ANGPT2: variants seen among roughly 807,000 people sequenced by gnomAD.
The protein encoded by ANGPT2 is angiopoietin-2.
A neutral mutation model predicts 62.9 loss-of-function variants in ANGPT2; 28 were observed. That is an observed-to-expected ratio of 0.44 (90% CI 0.33 to 0.61). The LOEUF is 0.61. Among genes scored for constraint, ANGPT2 ranks in the 20% least tolerant of loss-of-function variants. The pLI, the probability that ANGPT2 is intolerant of heterozygous loss-of-function variation, is 0.03. For missense variants in ANGPT2, 727 were observed against 594.9 expected (o/e 1.22, Z -2.31); for synonymous variants, 284 against 207.8 (o/e 1.37, Z -3.15).
At chr8:6,557,141 C>G (rs138336984) in intron 1 of ANGPT2, among the ~76,000 whole-genome samples, 1 of 152,214 alleles carries the variant, frequency 6.6e-6, no homozygotes, top group Non-Finnish European at 1.5e-5. Flanking sequence ...CAGTTTTCTG[C>G]AGTCTTCCCA....
intron 4 of ANGPT2, 81 bp from the exon 5 acceptor site, chr8:6,520,072 G>A (rs536740263): frequency 2.0e-6 from 3 of 1,531,888 alleles, no homozygotes; most frequent in East Asian, 4.6e-5. Flanking sequence ...CAATCATTTG[G>A]TGAGTTTTAT....
chr8:6,549,689 C>A (rs1341327200), intron 1 of ANGPT2, among the ~76,000 whole-genome samples: 2 of 119,126 alleles, frequency 1.7e-5, no homozygotes, highest in Admixed American at 8.9e-5. Context: ...CCTTCCGTAT[C>A]GAGCTGGGCG....
intron 3 of ANGPT2, among the ~76,000 whole-genome samples, chr8:6,524,869 C>T (rs570799686): frequency 3.3e-5 from 5 of 152,310 alleles, no homozygotes; most frequent in African/African-American, 9.6e-5. Flanking sequence ...TTTGGTGTCA[C>T]GAGCACCTTC....
chr8:6,543,364 C>T (rs150536307), intron 1 of ANGPT2, among the ~76,000 whole-genome samples: 40 of 152,258 alleles, frequency 2.6e-4, no homozygotes, highest in African/African-American at 7.9e-4. Flanking sequence ...AACTGCTCCT[C>T]GTCTCCTGCC....
rs1045436178 is a variant in ANGPT2, at chr8:6,532,241, T to G, written c.444+91A>C. 5.3e-5 allele frequency: 78 copies of G among 1,465,422 alleles called. No homozygotes were observed. In the South Asian group the frequency reaches 6.7e-4, roughly 13 times the overall value. 90.8% of individuals were successfully genotyped at this position (1,465,422 alleles called of 1,614,324 possible). A position where few individuals can be genotyped will look rare whatever the true frequency, so the allele number is the denominator to read the frequency against. On this transcript the variant is annotated intron_variant, in intron 2 of 8. Transcript: ENST00000629816. The stretch of plus-strand genomic sequence containing the variant: ...CTCCTGTGGTGGTGCTTTCTTTAGT[T>G]TCTCATGCCTTCATTGAGGAAGCTC...
Position 6,513,678 on chromosome 8 carries a change from C to G in ANGPT2, c.1196G>C (p.Arg399Thr). 6.2e-7 allele frequency: 1 copy of G among 1,606,664 alleles called. No homozygotes were observed. Among genetic ancestry groups the G allele is most frequent in the Non-Finnish European group, 8.5e-7 (1 of 1,177,354 alleles). ...FYLSSEELNY[R>T]IHLKGLTGTA... ...TTTCAATTACCATGAACTCACTTAC[C>G]TATAATTGAGTTCTTCACTTGAGAG... The change falls in exon 7 of 9, where the codon AGG becomes ACG. Residue 399 changes from arginine (R) to threonine (T), a missense_variant and splice_region_variant. By Grantham distance (71) the Arg-to-Thr change is moderately conservative (BLOSUM62 -1). Transcript: ENST00000629816.
chr8:6,540,949 A>T (rs77238441), intron 1 of ANGPT2, among the ~76,000 whole-genome samples: 24,560 of 152,260 alleles, frequency 0.16, 2,071 homozygotes, highest in Admixed American at 0.19. Flanking sequence ...CTGGGGCAAG[A>T]ATGGGGACTG....
At chr8:6,521,093 T>C (rs1817246752) in intron 4 of ANGPT2, 85 bp downstream of exon 4, 1 of 1,065,990 alleles carries the variant, frequency 9.4e-7, no homozygotes, top group East Asian at 2.4e-5. Context: ...GCGCCTTTTC[T>C]GAAAGGTGAG....
At chr8:6,540,648 C>A (rs549898055) in intron 1 of ANGPT2, among the ~76,000 whole-genome samples, 1 of 152,260 alleles carries the variant, frequency 6.6e-6, no homozygotes, top group Non-Finnish European at 1.5e-5. Context: ...CAGCAGCTTA[C>A]AATGACAAAA....
In ANGPT2 at chr8:6,505,777, T is replaced by TA. The variant is rs1491156563; in HGVS notation, c.1328-2517_1328-2516insT. 7.5e-4 allele frequency among the ~76,000 whole-genome samples: 90 copies of TA among 119,476 alleles called. 1 individual carries two copies. Among genetic ancestry groups the TA allele is most frequent in the African/African-American group, 2.7e-3 (87 of 32,116 alleles). The allele number at this position is 119,476 out of a possible 152,430, so 78.4% of individuals were successfully genotyped here. On this transcript the variant is annotated intron_variant, in intron 8 of 8. Coordinates refer to ENST00000629816, the MANE Select transcript of ANGPT2 (RefSeq NM_001118887.2). ...ACGTATATATAGAATATATATATTCTTTATATATGTATATATAAAAACATG... is the reference window on the plus strand; with the variant it reads ...ACGTATATATAGAATATATATATTCTATTATATATGTATATATAAAAACATG...
chr8:6,509,872 C>A (rs934683832), intron 7 of ANGPT2, among the ~76,000 whole-genome samples: 2 of 152,218 alleles, frequency 1.3e-5, no homozygotes, highest in African/African-American at 4.8e-5. Context: ...CTGTTGTTCA[C>A]CCTGGGGATC....
At chr8:6,538,576 C>T (rs528392439) in intron 1 of ANGPT2, among the ~76,000 whole-genome samples, 39 of 152,320 alleles carry the variant, frequency 2.6e-4, no homozygotes, top group African/African-American at 8.7e-4. Flanking sequence ...AGCTGCCCAG[C>T]GGCCTCATAC....
rs141137144 is a variant in ANGPT2 at position 6,528,817 on chromosome 8, C to T, written c.445-1141G>A. Among the ~76,000 whole-genome samples, 324 of 152,308 alleles carry T rather than the reference C, an allele frequency of 2.1e-3. 2 individuals are homozygous for T. The highest frequency in any genetic ancestry group is 7.2e-3 in the African/African-American group (298 of 41,576). On this transcript the variant is annotated intron_variant, in intron 2 of 8. Transcript: ENST00000629816. ...GTGTCTTTATGTCATTTGCAGGAGC[C>T]TTGGCTGGTCCACAGCGTGGGTTTC...
At chr8:6,517,785 G>A (rs1055829407) in intron 5 of ANGPT2, among the ~76,000 whole-genome samples, 6 of 152,190 alleles carry the variant, frequency 3.9e-5, no homozygotes, top group African/African-American at 1.4e-4. Context: ...GCCACAAATG[G>A]CAGAGCTAGA....
chr8:6,514,825 C>G, intron 5 of ANGPT2, 47 bp from the exon 6 acceptor site: 15 of 1,522,086 alleles, frequency 9.9e-6, no homozygotes, highest in Non-Finnish European at 1.4e-5. Context: ...CCCCCACTCC[C>G]CCCTTACGTA....
chr8:6,520,067 A>G (rs1055832214), intron 4 of ANGPT2, 76 bp from the exon 5 acceptor site: 58 of 1,544,164 alleles, frequency 3.8e-5, no homozygotes, highest in Non-Finnish European at 4.9e-5. Flanking sequence ...AGAGCCAATC[A>G]TTTGGTGAGT....
intron 1 of ANGPT2, among the ~76,000 whole-genome samples, chr8:6,541,373 C>T (rs550075637): frequency 6.6e-6 from 1 of 152,220 alleles, no homozygotes; most frequent in South Asian, 2.1e-4. Flanking sequence ...GGAAGGGGAG[C>T]TTGTATTTAT....
intron 1 of ANGPT2, among the ~76,000 whole-genome samples, chr8:6,551,187 G>C (rs530379255): frequency 6.6e-6 from 1 of 152,292 alleles, no homozygotes; most frequent in African/African-American, 2.4e-5. Flanking sequence ...GAGCTGGATA[G>C]AGAAAGGGTC....
intron 1 of ANGPT2, among the ~76,000 whole-genome samples, chr8:6,541,906 G>C (rs976804140): frequency 6.6e-5 from 10 of 151,800 alleles, no homozygotes; most frequent in African/African-American, 2.2e-4. Context: ...TACTCAGGAG[G>C]CTAAGGTGGG....
Sources: allele counts gnomAD v4.1 joint callset (sites outside exome capture counted in the v4.1 genomes callset), GRCh38; gene constraint gnomAD v4.1.1; transcripts MANE v1.5; gene names NCBI Gene and HGNC (gene_info 2026-07-23, HGNC 2026-07-21).